The following UROC1 variants were observed in gnomAD, a reference collection of about 807,000 sequenced individuals.
UROC1 encodes the protein urocanate hydratase 1, also known as urocanate hydratase.
A neutral mutation model predicts 89.5 loss-of-function variants in UROC1; 79 were observed. The observed-to-expected ratio is 0.88, with a 90% CI of 0.74 to 1.06. UROC1 has a LOEUF of 1.06. Ranked by LOEUF, UROC1 falls within the 50% of genes least tolerant of loss-of-function variation. The pLI, the probability that UROC1 is intolerant of heterozygous loss-of-function variation, is 0.00. For synonymous variants in UROC1, 361 were observed against 354.8 expected (o/e 1.02, Z -0.20); for missense variants, 885 against 907.8 (o/e 0.97, Z 0.32).
intron 4 of UROC1, 137 bp downstream of exon 4, chr3:126,508,279 A>G (rs1273615401): frequency 7.5e-7 from 1 of 1,327,174 alleles, no homozygotes; most frequent in South Asian, 1.2e-5. Context: ...TCCCCACACA[A>G]TCTCCAATGC....
rs1303907443 is a variant in UROC1 at position 126,482,588 on chromosome 3, GC to G, written c.1891-104del. The G allele has an allele frequency of 2.6e-5, 40 of 1,564,866 alleles. 1 individual carries two copies. In the East Asian group the frequency reaches 8.8e-4, roughly 34 times the overall value. The stretch of plus-strand genomic sequence containing the variant: ...GCCTCTCTGCTTCGGGACCTCTGAG[GC>G]TGTCCGTGGGGACAGCTGCCCTTTT... On this transcript the variant is annotated intron_variant, in intron 19 of 19. Transcript: ENST00000290868.
At chr3:126,502,188 T>C (rs1472658064) in intron 9 of UROC1, among the ~76,000 whole-genome samples, 1 of 152,086 alleles carries the variant, frequency 6.6e-6, no homozygotes, top group Non-Finnish European at 1.5e-5. Context: ...TGTGCGTGTG[T>C]GTGTTGCGTG....
chr3:126,489,080 C>T (rs1040961610), intron 17 of UROC1, among the ~76,000 whole-genome samples, 196 bp downstream of exon 17: 2 of 152,328 alleles, frequency 1.3e-5, no homozygotes, highest in South Asian at 2.1e-4. Flanking sequence ...CCAGCTGGCC[C>T]GGTGTGCCTG....
In UROC1 at chr3:126,495,925, C is replaced by T. The variant is rs1576716915; in HGVS notation, c.1509+113G>A. ...ATCTTGTGTGTGCACCCTCTCAGGG[C>T]TTGGCAAGCTGGAGGCTGTGGACCA... is the stretch of plus-strand genomic sequence containing the variant. On this transcript the variant is annotated intron_variant, in intron 15 of 19. Transcript: ENST00000290868. 8.5e-6 allele frequency: 9 copies of T among 1,056,962 alleles called. No individual in the cohort carries two copies. In the East Asian group the frequency reaches 2.3e-4, roughly 27 times the overall value. 65.5% of individuals were successfully genotyped at this position (1,056,962 alleles called of 1,614,324 possible). A position where few individuals can be genotyped will look rare whatever the true frequency, so the allele number is the denominator to read the frequency against.
intron 18 of UROC1, among the ~76,000 whole-genome samples, chr3:126,487,319 T>C (rs1345032954): frequency 1.3e-5 from 2 of 152,206 alleles, no homozygotes; most frequent in Admixed American, 1.3e-4. Context: ...TGTGCAGAAA[T>C]GCCAGGTACC....
intron 16 of UROC1, among the ~76,000 whole-genome samples, chr3:126,491,709 C>G (rs1004441709): frequency 6.6e-6 from 1 of 152,236 alleles, no homozygotes; most frequent in African/African-American, 2.4e-5. Flanking sequence ...CCCCTCGGAG[C>G]AAGCATGCCC....
chr3:126,505,294 A>G (rs1418858033), intron 8 of UROC1, among the ~76,000 whole-genome samples: 1 of 152,118 alleles, frequency 6.6e-6, no homozygotes, highest in Non-Finnish European at 1.5e-5. Flanking sequence ...ACCTCTATGG[A>G]GGGTGACCTC....
intron 18 of UROC1, 109 bp from the exon 19 acceptor site, chr3:126,483,577 G>T: frequency 1.9e-6 from 2 of 1,035,976 alleles, no homozygotes; most frequent in Non-Finnish European, 2.9e-6. Context: ...TCAGGGTTGG[G>T]GCCGCCACAC....
chr3:126,515,026 A>G (rs1322586976), intron 1 of UROC1, among the ~76,000 whole-genome samples: 1 of 152,036 alleles, frequency 6.6e-6, no homozygotes, highest in Non-Finnish European at 1.5e-5. Flanking sequence ...TAGCCCTCAG[A>G]ACTGCACCCG....
rs201035182 is a variant in UROC1 at position 126,489,258 on chromosome 3, C to T, written c.1708+18G>A. The T allele has an allele frequency of 1.1e-4, 173 of 1,585,312 alleles. 1 individual carries two copies. Among genetic ancestry groups the T allele is most frequent in the Admixed American group, 2.2e-4 (13 of 59,962 alleles). ...CCAAATCTAAGATGAAAGTTTAAGA[C>T]ATTCTCATCTTCCTCACCTGCACAG... is the stretch of plus-strand genomic sequence containing the variant. On this transcript the variant is annotated intron_variant, in intron 17 of 19. Coordinates refer to ENST00000290868, the MANE Select transcript of UROC1 (RefSeq NM_144639.3).
At chr3:126,503,940 C>T in intron 9 of UROC1, 55 bp downstream of exon 9, 1 of 1,606,032 alleles carries the variant, frequency 6.2e-7, no homozygotes, top group Non-Finnish European at 8.5e-7. Flanking sequence ...CTCTTGTGGT[C>T]TCCTGCTGCC....
In UROC1 at chr3:126,508,673, CA is replaced by C. The variant is rs531677580; in HGVS notation, c.352-199del. ...CTGGAGCAAGGGTTCAGCTTGGGGT[CA>C]GGGGCAGATCTGGGTCTGGGGTCAC... On this transcript the variant is annotated intron_variant, in intron 3 of 19. Transcript: ENST00000290868. Among the ~76,000 whole-genome samples, 10 of 152,272 alleles carry C rather than the reference CA, an allele frequency of 6.6e-5. No homozygotes were observed. The South Asian group carries it at 2.1e-3, about 32-fold the overall frequency.
At chr3:126,507,908 C>A (rs1041041273) in intron 5 of UROC1, 59 bp downstream of exon 5, 3 of 1,612,802 alleles carry the variant, frequency 1.9e-6, no homozygotes, top group Non-Finnish European at 1.7e-6. Context: ...TTCTTTCCAG[C>A]GTCTGCACCC....
At chr3:126,503,523 G>A (rs1935983329) in intron 9 of UROC1, among the ~76,000 whole-genome samples, 1 of 152,246 alleles carries the variant, frequency 6.6e-6, no homozygotes. Context: ...GCGAAGCTCT[G>A]CCCTGGAGCA....
intron 14 of UROC1, 31 bp downstream of exon 14, chr3:126,498,020 C>G: frequency 6.2e-7 from 1 of 1,613,722 alleles, no homozygotes; most frequent in Non-Finnish European, 8.5e-7. Context: ...GGGGGCCACC[C>G]ACCCATGGGC....
At position 126,505,725 on chromosome 3, in the gene UROC1, C is replaced by T. The variant is rs1283433355; in HGVS notation, c.789G>A (p.Val263=). The part of the protein sequence containing the change: ...SGAQAKAAVI[V]GCIGVIAEVD... ...CCTCTGCTATCACACCGATGCACCCCACGATGACTGCGGCCTTGGCCTGAG... is the reference window on the plus strand; with the variant it reads ...CCTCTGCTATCACACCGATGCACCCTACGATGACTGCGGCCTTGGCCTGAG... The change falls in exon 8 of 20, where the codon GTG becomes GTA. Residue 263 remains valine, a synonymous_variant. Coordinates refer to ENST00000290868, the MANE Select transcript of UROC1 (RefSeq NM_144639.3). The T allele has an allele frequency of 2.5e-6, 4 of 1,613,720 alleles. No homozygotes were observed. The East Asian group carries it at 8.9e-5, about 36-fold the overall frequency.
At chr3:126,499,285 G>A (rs888347455) in intron 13 of UROC1, 52 bp downstream of exon 13, 23 of 1,587,642 alleles carry the variant, frequency 1.4e-5, no homozygotes, top group South Asian at 4.5e-5. Context: ...GACCCTGAAC[G>A]GGGCAGGGGT....
rs1383277114 is a variant in UROC1 at position 126,482,065 on chromosome 3, C to T, written c.*280G>A. The T allele has an allele frequency of 5.2e-5, 26 of 502,508 alleles. No individual in the cohort carries two copies. Among genetic ancestry groups the T allele is most frequent in the Middle Eastern group, 5.5e-4 (1 of 1,802 alleles). 31.1% of individuals were successfully genotyped at this position (502,508 alleles called of 1,614,324 possible). ...TGACCAGTGTTCACCGCAGGGCCCC[C>T]GGGCAGGCTTGGGACTTGGCCCTAA... On this transcript the variant is annotated 3_prime_UTR_variant, in exon 20 of 20. Coordinates refer to ENST00000290868, the MANE Select transcript of UROC1 (RefSeq NM_144639.3).
At chr3:126,492,392 T>C in intron 16 of UROC1, 26 bp downstream of exon 16, 1 of 1,601,212 alleles carries the variant, frequency 6.2e-7, no homozygotes, top group East Asian at 2.2e-5. Context: ...TGAGGGATGC[T>C]TCCCCCAGAG....
Sources: gnomAD v4.1 joint callset for allele counts (sites outside exome capture counted in the v4.1 genomes callset) on GRCh38, gnomAD v4.1.1 for gene constraint, MANE v1.5 for transcripts, NCBI Gene and HGNC (gene_info 2026-07-23, HGNC 2026-07-21) for gene names.